Variants in CAPZA1 observed in about 807,000 individuals in gnomAD.
CAPZA1 encodes capping actin protein of muscle Z-line subunit alpha 1.
A neutral mutation model predicts 40.8 loss-of-function variants in CAPZA1; 10 were observed. The ratio of observed to expected loss-of-function variants is 0.25; its 90% CI spans 0.15 to 0.42. The LOEUF (loss-of-function observed/expected upper bound fraction) is 0.42, where lower values mean the gene tolerates loss of function less well. Ranked by LOEUF, CAPZA1 falls within the 10% of genes least tolerant of loss-of-function variation. The pLI is 1.00. For missense variants in CAPZA1, 277 were observed against 353.8 expected, an observed-to-expected ratio of 0.78 and a Z score of 1.74; for synonymous variants, 98 against 115.0, an observed-to-expected ratio of 0.85 and a Z score of 0.95.
At chr1:112,654,443 A>G (rs771408628) in intron 4 of CAPZA1, 22 bp from the exon 5 acceptor site, 17 of 1,525,376 alleles carry the variant, frequency 1.1e-5, no homozygotes, top group Non-Finnish European at 1.4e-5. Context: ...AGTTACTCAT[A>G]TGTTTAATGA....
intron 5 of CAPZA1, among the ~76,000 whole-genome samples, chr1:112,656,825 A>G (rs1280587844): frequency 6.6e-6 from 1 of 151,768 alleles, no homozygotes; most frequent in Non-Finnish European, 1.5e-5. Context: ...TCTACATAGT[A>G]TGTTCCAAAC....
chr1:112,670,343 T>G lies in CAPZA1; in HGVS notation c.*211T>G, dbSNP rs552801804. 2.5e-6 allele frequency: 1 copy of G among 407,776 alleles called. No individual in the cohort carries two copies. The highest frequency in any genetic ancestry group is 2.1e-5 in the African/African-American group (1 of 47,018). The allele number at this position is 407,776 out of a possible 1,614,324, so 25.3% of individuals were successfully genotyped here. A position where few individuals can be genotyped will look rare whatever the true frequency, so the allele number is the denominator to read the frequency against. ...TGTAATTTTCTGTTACTGCTATATC[T>G]ACGTGTAAATCTTTTTTTCTTTTTT... On this transcript the variant is annotated 3_prime_UTR_variant, in exon 10 of 10. Coordinates refer to ENST00000263168, the MANE Select transcript of CAPZA1 (RefSeq NM_006135.3).
chr1:112,664,468 C>T (rs1671684293), intron 7 of CAPZA1, among the ~76,000 whole-genome samples: 2 of 152,146 alleles, frequency 1.3e-5, no homozygotes, highest in Non-Finnish European at 2.9e-5. Flanking sequence ...GGAGGTATTA[C>T]ATATGTTGGA....
At chr1:112,638,937 G>GA (rs58803766) in intron 1 of CAPZA1, among the ~76,000 whole-genome samples, 1 of 148,988 alleles carries the variant, frequency 6.7e-6, no homozygotes, top group African/African-American at 2.4e-5. Flanking sequence ...TATAGATATA[G>GA]GTATAGATAT....
intron 7 of CAPZA1, among the ~76,000 whole-genome samples, chr1:112,662,951 C>T (rs1226611248): frequency 6.6e-6 from 1 of 151,908 alleles, no homozygotes; most frequent in Non-Finnish European, 1.5e-5. Context: ...TAATAATTCC[C>T]CCCTGCCCCC....
chr1:112,625,116 C>G (rs1325826298), intron 1 of CAPZA1, among the ~76,000 whole-genome samples: 1 of 152,136 alleles, frequency 6.6e-6, no homozygotes, highest in Non-Finnish European at 1.5e-5. Context: ...CTGTTAGTCT[C>G]TAGGTGTTTC....
At chr1:112,664,749 A>T (rs888338812) in intron 7 of CAPZA1, among the ~76,000 whole-genome samples, 2 of 152,208 alleles carry the variant, frequency 1.3e-5, no homozygotes, top group Non-Finnish European at 2.9e-5. Context: ...AGCCTGGCCA[A>T]CATGGTGAAA....
At chr1:112,652,715 A>G (rs1047452614) in intron 3 of CAPZA1, among the ~76,000 whole-genome samples, 1 of 151,926 alleles carries the variant, frequency 6.6e-6, no homozygotes, top group African/African-American at 2.4e-5. Flanking sequence ...CTAGCAGTCT[A>G]TTTTAATAGG....
intron 1 of CAPZA1, among the ~76,000 whole-genome samples, chr1:112,626,827 G>A (rs7415820): frequency 0.51 from 77,535 of 151,994 alleles, 20,206 homozygotes; most frequent in South Asian, 0.65. Flanking sequence ...AGATTGTTAA[G>A]GCAGTGTCAG....
intron 1 of CAPZA1, among the ~76,000 whole-genome samples, chr1:112,644,365 A>G (rs1165476675): frequency 1.3e-5 from 2 of 150,874 alleles, no homozygotes; most frequent in South Asian, 2.1e-4. Context: ...TAATTCTTGT[A>G]TTTTTGGTAG....
intron 1 of CAPZA1, among the ~76,000 whole-genome samples, chr1:112,636,787 A>G (rs1423223692): frequency 2.0e-5 from 3 of 152,134 alleles, no homozygotes; most frequent in African/African-American, 7.2e-5. Context: ...GTTAATGAAA[A>G]TGTCATCCCT....
At chr1:112,662,016 T>C (rs1408018718) in intron 7 of CAPZA1, among the ~76,000 whole-genome samples, 1 of 152,260 alleles carries the variant, frequency 6.6e-6, no homozygotes, top group Non-Finnish European at 1.5e-5. Flanking sequence ...TTTATGTTGA[T>C]GACAATCATG....
intron 8 of CAPZA1, among the ~76,000 whole-genome samples, chr1:112,668,527 C>G (rs1469448989): frequency 6.6e-6 from 1 of 152,128 alleles, no homozygotes; most frequent in South Asian, 2.1e-4. Context: ...AAGTTTCGCT[C>G]TTGTTGCCCA....
At chr1:112,649,284 T>G (rs1461519989) in intron 2 of CAPZA1, 134 bp from the exon 3 acceptor site, 1 of 641,334 alleles carries the variant, frequency 1.6e-6, no homozygotes, top group Non-Finnish European at 2.8e-6. Flanking sequence ...ATTTGCATGT[T>G]TAGAATTTCT....
Position 112,658,950 on chromosome 1 carries a change from C to T in CAPZA1, c.427-72C>T, listed in dbSNP as rs192603319. 537 of 1,126,382 alleles carry T rather than the reference C, an allele frequency of 4.8e-4. 1 individual carries two copies. The highest frequency in any genetic ancestry group is 1.9e-4 in the South Asian group (15 of 80,310). The allele number at this position is 1,126,382 out of a possible 1,614,324, so 69.8% of individuals were successfully genotyped here. ...TCTCCCCCAAGGATTTAACACTCTG[C>T]TTTTGTACAATGCATGTTGTTTAAA... On this transcript the variant is annotated intron_variant, in intron 5 of 9. Transcript: ENST00000263168.
In CAPZA1 at chr1:112,671,362, A is replaced by T. The variant is rs1060223; in HGVS notation, c.*1230A>T. 3.3e-5 allele frequency: 5 copies of T among 152,756 alleles called. No homozygotes were observed. The highest frequency in any genetic ancestry group is 6.8e-3 in the Middle Eastern group (2 of 294). 9.5% of individuals were successfully genotyped at this position (152,756 alleles called of 1,614,324 possible). ...GGCCTTAAGGGAAGGTCAGTTTTTT[A>T]AAAAACCAAGTAGTGTCTTCCTACC... On this transcript the variant is annotated 3_prime_UTR_variant, in exon 10 of 10. Transcript: ENST00000263168.
intron 1 of CAPZA1, among the ~76,000 whole-genome samples, chr1:112,632,864 A>G (rs1670947868): frequency 6.6e-6 from 1 of 152,232 alleles, no homozygotes; most frequent in East Asian, 1.9e-4. Context: ...GACTTTTGAA[A>G]GAGTGAATGT....
chr1:112,634,697 A>G (rs974508679), intron 1 of CAPZA1: 1 of 152,138 alleles, frequency 6.6e-6, no homozygotes, highest in East Asian at 1.9e-4. Context: ...CTTTACAACA[A>G]TTTTTTTAAA....
chr1:112,669,639 A>G (rs776408523), intron 9 of CAPZA1, 34 bp downstream of exon 9: 13 of 1,408,834 alleles, frequency 9.2e-6, no homozygotes, highest in Non-Finnish European at 1.3e-5. Context: ...TCCTAGATCT[A>G]CTATCTTATT....
Sources: gnomAD v4.1 joint callset for allele counts (sites outside exome capture counted in the v4.1 genomes callset) on GRCh38, gnomAD v4.1.1 for gene constraint, MANE v1.5 for transcripts, NCBI Gene and HGNC (gene_info 2026-07-23, HGNC 2026-07-21) for gene names.